The following ZDHHC11B variants were observed in gnomAD, a reference collection of about 807,000 sequenced individuals.
ZDHHC11B encodes the protein zDHHC palmitoyltransferase 11B (putative), also known as probable palmitoyltransferase ZDHHC11B.
In ZDHHC11B, 17 loss-of-function variants were observed where a neutral mutation model predicts 42.3. The ratio of observed to expected loss-of-function variants is 0.40; its 90% CI spans 0.27 to 0.60. The LOEUF is 0.60. Among genes scored for constraint, ZDHHC11B ranks in the 20% least tolerant of loss-of-function variants. The pLI, the probability that ZDHHC11B is intolerant of heterozygous loss-of-function variation, is 0.41. For missense variants in ZDHHC11B, 262 were observed against 463.2 expected, an observed-to-expected ratio of 0.57 and a Z score of 3.99; for synonymous variants, 123 against 193.5, an observed-to-expected ratio of 0.64 and a Z score of 3.02.
In ZDHHC11B at chr5:750,943, G is replaced by C. The variant is rs1256043943; in HGVS notation, c.628+190C>G. Reference sequence around the variant, plus strand: ...AGCGCCCTCCCCGAGCCTGCCTCCCGCGCGCTGGGGGCTGCTGGGCTGTAT... The same window carrying C: ...AGCGCCCTCCCCGAGCCTGCCTCCCCCGCGCTGGGGGCTGCTGGGCTGTAT... On this transcript the variant is annotated intron_variant, in intron 7 of 13. Coordinates refer to ENST00000508859, the MANE Select transcript of ZDHHC11B (RefSeq NM_001351303.2). 1.8e-5 allele frequency among the ~76,000 whole-genome samples: 2 copies of C among 114,284 alleles called. 1 individual carries two copies. Among genetic ancestry groups the C allele is most frequent in the Non-Finnish European group, 3.9e-5 (2 of 51,278 alleles). The allele number at this position is 114,284 out of a possible 152,430, so 75.0% of individuals were successfully genotyped here.
Position 748,087 on chromosome 5 carries a change from C to T in ZDHHC11B, c.784+317G>A, listed in dbSNP as rs1270788560. 7.9e-6 allele frequency: 4 copies of T among 507,506 alleles called. 1 individual carries two copies. Among genetic ancestry groups the T allele is most frequent in the African/African-American group, 5.7e-5 (3 of 52,916 alleles). 31.4% of individuals were successfully genotyped at this position (507,506 alleles called of 1,614,324 possible). A position where few individuals can be genotyped will look rare whatever the true frequency, so the allele number is the denominator to read the frequency against. The stretch of plus-strand genomic sequence containing the variant: ...CTGTTCTTGCCTAATAGATTCCATT[C>T]CATTTTCTCTGAACATTTTAAACTT... On this transcript the variant is annotated intron_variant, in intron 8 of 13. Transcript: ENST00000508859.
chr5:742,490 C>G (rs868532241), intron 9 of ZDHHC11B, among the ~76,000 whole-genome samples: 1 of 93,044 alleles, frequency 1.1e-5, no homozygotes. Context: ...TTCACAGAAA[C>G]TGTTTTTTCA....
At chr5:737,844 T>C (rs1476953782) in intron 10 of ZDHHC11B, among the ~76,000 whole-genome samples, 19 of 144,870 alleles carry the variant, frequency 1.3e-4, no homozygotes, top group Non-Finnish European at 2.6e-4. Flanking sequence ...CAGCCAACAT[T>C]ATACTGAATG....
At chr5:713,308 A>C (rs890384751) in intron 13 of ZDHHC11B, among the ~76,000 whole-genome samples, 9 of 152,102 alleles carry the variant, frequency 5.9e-5, no homozygotes, top group African/African-American at 2.2e-4. Context: ...GATATTTCTC[A>C]TAAGTTTTAT....
chr5:765,310 G>A (rs1263981587), intron 4 of ZDHHC11B, among the ~76,000 whole-genome samples: 1 of 151,686 alleles, frequency 6.6e-6, no homozygotes. Context: ...ATCTGGTGGG[G>A]ACTTGGAGAA....
At chr5:727,871 G>T (rs369810423) in intron 12 of ZDHHC11B, among the ~76,000 whole-genome samples, 2 of 151,638 alleles carry the variant, frequency 1.3e-5, no homozygotes, top group African/African-American at 4.9e-5. Flanking sequence ...GATGATTTTT[G>T]TATAACCCTG....
intron 3 of ZDHHC11B, 68 bp downstream of exon 3, chr5:767,324 C>G: frequency 6.5e-7 from 1 of 1,527,248 alleles, no homozygotes; most frequent in Non-Finnish European, 8.9e-7. Flanking sequence ...ATGTGGGGCT[C>G]CGGGTCCCAC....
intron 11 of ZDHHC11B, chr5:732,098 G>A (rs1213116322): frequency 6.6e-6 from 1 of 152,554 alleles, no homozygotes; most frequent in Non-Finnish European, 1.5e-5. Flanking sequence ...CCACTCGAAG[G>A]GGAGGCGATG....
chr5:744,195 A>G (rs1320444854), intron 9 of ZDHHC11B, among the ~76,000 whole-genome samples: 4 of 149,876 alleles, frequency 2.7e-5, no homozygotes, highest in Non-Finnish European at 4.4e-5. Context: ...CACAGTGCAC[A>G]GTCCTGCCCC....
At chr5:741,039 G>A (rs567418241) in intron 10 of ZDHHC11B, among the ~76,000 whole-genome samples, 38 of 115,512 alleles carry the variant, frequency 3.3e-4, no homozygotes, top group South Asian at 1.1e-3. Flanking sequence ...TTGAAAATGC[G>A]CGTGCCCTTT....
intron 10 of ZDHHC11B, among the ~76,000 whole-genome samples, chr5:740,969 C>T (rs1442820529): frequency 2.0e-5 from 2 of 97,924 alleles, no homozygotes; most frequent in Non-Finnish European, 4.7e-5. Flanking sequence ...AGAGCGACAG[C>T]GTTGAATGAA....
At chr5:770,995 G>A (rs879890097) in intron 1 of ZDHHC11B, among the ~76,000 whole-genome samples, 1 of 151,878 alleles carries the variant, frequency 6.6e-6, no homozygotes, top group Admixed American at 6.6e-5. Flanking sequence ...AGGCCCTGAA[G>A]GACTCAAGGC....
intron 3 of ZDHHC11B, 90 bp downstream of exon 3, chr5:767,302 C>T (rs1735578368): frequency 4.2e-6 from 6 of 1,428,756 alleles, no homozygotes; most frequent in East Asian, 4.6e-5. Flanking sequence ...GGCCCTCTCC[C>T]CACCCACACA....
chr5:732,363 C>G (rs4956967), intron 11 of ZDHHC11B: 2 of 243,730 alleles, frequency 8.2e-6, no homozygotes, highest in Non-Finnish European at 1.7e-5. Flanking sequence ...GCAGAGACAC[C>G]GAGGGGACTC....
rs575939842 is a variant in ZDHHC11B at position 742,741 on chromosome 5, G to C, written c.901-1113C>G. ...TTACTGACATGTTCACTTTATTGTG[G>C]CTTTCTAAAACCAAACCTGCAGTAT... On this transcript the variant is annotated intron_variant, in intron 9 of 13. Coordinates refer to ENST00000508859, the MANE Select transcript of ZDHHC11B (RefSeq NM_001351303.2). Among the ~76,000 whole-genome samples, 390 of 149,698 alleles carry C rather than the reference G, an allele frequency of 2.6e-3. 5 individuals are homozygous for C. The highest frequency in any genetic ancestry group is 9.2e-3 in the African/African-American group (376 of 40,812).
chr5:776,269 C>T (rs1186029284), intron 1 of ZDHHC11B, among the ~76,000 whole-genome samples: 2 of 151,866 alleles, frequency 1.3e-5, no homozygotes, highest in Non-Finnish European at 2.9e-5. Flanking sequence ...CTGATGGACC[C>T]TCCAATGTCC....
At chr5:724,202 T>G (rs1477444264) in intron 12 of ZDHHC11B, among the ~76,000 whole-genome samples, 1 of 150,316 alleles carries the variant, frequency 6.7e-6, no homozygotes, top group Non-Finnish European at 1.5e-5. Context: ...TGTTCCATCT[T>G]TTTTATTTAT....
chr5:728,321 A>G (rs1312776051), intron 12 of ZDHHC11B, among the ~76,000 whole-genome samples: 3 of 151,974 alleles, frequency 2.0e-5, no homozygotes, highest in African/African-American at 7.3e-5. Context: ...GTAAGCAAAA[A>G]GAAACTATGA....
rs369867375 is a variant in ZDHHC11B, at chr5:751,871, C to T, written c.504-614G>A. On this transcript the variant is annotated intron_variant, in intron 6 of 13. Transcript: ENST00000508859. ...GATTGCCTTTAATCCCCACAAGGAA[C>T]AATGAGGTTGTGAGGAGGGGGAACC... 8.2e-4 allele frequency among the ~76,000 whole-genome samples: 98 copies of T among 119,184 alleles called. 26 individuals are homozygous for T. In the East Asian group the frequency reaches 0.036, roughly 43 times the overall value. 78.2% of individuals were successfully genotyped at this position (119,184 alleles called of 152,430 possible).
Sources: gnomAD v4.1 joint callset for allele counts (sites outside exome capture counted in the v4.1 genomes callset) on GRCh38, gnomAD v4.1.1 for gene constraint, MANE v1.5 for transcripts, NCBI Gene and HGNC (gene_info 2026-07-23, HGNC 2026-07-21) for gene names.